SLC60A2: variants seen among roughly 807,000 people sequenced by gnomAD.
SLC60A2 encodes the protein solute carrier family 60 member 2, also known as major facilitator superfamily domain containing 4B.
At chr6:111,274,424 A>C in the SLC60A2 span, among the ~76,000 whole-genome samples, 1 of 152,116 alleles carries the variant, frequency 6.6e-6, no homozygotes, top group Non-Finnish European at 1.5e-5. Flanking sequence ...GGCAGCATAC[A>C]GTTGGGTAAT....
chr6:111,278,848 C>G, the SLC60A2 span: 1 of 152,196 alleles, frequency 6.6e-6, no homozygotes, highest in East Asian at 1.9e-4. Context: ...CATTTTGCTT[C>G]TACACCCTCC....
the SLC60A2 span, chr6:111,268,811 T>A: frequency 1.3e-5 from 2 of 152,174 alleles, no homozygotes. Context: ...CTTTCCTGAG[T>A]CTGAAATACC....
the SLC60A2 span, among the ~76,000 whole-genome samples, chr6:111,272,509 ATTTTT>A: frequency 8.7e-6 from 1 of 114,700 alleles, no homozygotes. Flanking sequence ...TTCTAACTGT[ATTTTT>A]TTTTTTTTTT....
chr6:111,272,954 C>T, the SLC60A2 span, among the ~76,000 whole-genome samples: 3 of 151,796 alleles, frequency 2.0e-5, no homozygotes, highest in African/African-American at 7.3e-5. Flanking sequence ...CCTCAGCCTC[C>T]CAAGTAGCTG....
At chr6:111,259,648 TCTC>T in the SLC60A2 span, 1 of 1,555,964 alleles carries the variant, frequency 6.4e-7, no homozygotes, top group South Asian at 1.2e-5. Flanking sequence ...GTGGTGGTGG[TCTC>T]CTGGCAGAGC....
the SLC60A2 span, among the ~76,000 whole-genome samples, chr6:111,274,392 CGG>C: frequency 2.6e-5 from 4 of 152,084 alleles, no homozygotes; most frequent in African/African-American, 9.7e-5. Flanking sequence ...TGTGTGTTTA[CGG>C]GTGAAGTGAG....
At chr6:111,275,127 C>T in the SLC60A2 span, among the ~76,000 whole-genome samples, 3 of 151,726 alleles carry the variant, frequency 2.0e-5, no homozygotes, top group African/African-American at 7.3e-5. Context: ...TTTCGTTGCC[C>T]AGGCTAGTCT....
chr6:111,270,665 C>A, the SLC60A2 span: 1 of 152,160 alleles, frequency 6.6e-6, no homozygotes, highest in Admixed American at 6.6e-5. Flanking sequence ...CACGGTGAAA[C>A]CCCATCTCTA....
the SLC60A2 span, chr6:111,265,957 G>A: frequency 2.5e-6 from 4 of 1,614,082 alleles, no homozygotes; most frequent in Non-Finnish European, 3.4e-6. Context: ...TTTGCCTTGG[G>A]TGCCTTTTTG....
chr6:111,262,113 AAAAAC>A, the SLC60A2 span: 10 of 554,248 alleles, frequency 1.8e-5, no homozygotes, highest in African/African-American at 1.9e-4. Context: ...TCAAAACTAA[AAAAAC>A]AGTAGTCTAA....
At chr6:111,259,468 T>C in the SLC60A2 span, 1 of 460,944 alleles carries the variant, frequency 2.2e-6, no homozygotes, top group Admixed American at 4.2e-5. Flanking sequence ...GGGCCAGTGC[T>C]CTTCTCGGAG....
the SLC60A2 span, chr6:111,266,006 G>C: frequency 6.2e-7 from 1 of 1,614,142 alleles, no homozygotes. Context: ...GTCCGACAGC[G>C]TCTGCTGAAA....
the SLC60A2 span, chr6:111,259,531 C>T: frequency 0.15 from 84,114 of 570,530 alleles, 7,542 homozygotes; most frequent in East Asian, 0.39. Context: ...TTCTCCGGAG[C>T]CGCCGAGCTG....
the SLC60A2 span, chr6:111,262,285 C>A: frequency 6.2e-7 from 1 of 1,613,940 alleles, no homozygotes; most frequent in South Asian, 1.1e-5. Flanking sequence ...GTGGGACCCA[C>A]GTTTCAAGAT....
chr6:111,269,382 TAG>T, the SLC60A2 span: 1 of 152,168 alleles, frequency 6.6e-6, no homozygotes, highest in African/African-American at 2.4e-5. Flanking sequence ...GTGTTTTTAG[TAG>T]AGAGGGGGTT....
chr6:111,263,940 G>T, the SLC60A2 span: 3 of 1,544,462 alleles, frequency 1.9e-6, no homozygotes, highest in Non-Finnish European at 1.8e-6. Context: ...TGGCATTCTG[G>T]ATACAGGTTA....
At chr6:111,272,446 G>T in the SLC60A2 span, among the ~76,000 whole-genome samples, 2 of 151,746 alleles carry the variant, frequency 1.3e-5, no homozygotes, top group Non-Finnish European at 2.9e-5. Flanking sequence ...TTATATACTG[G>T]ATTATTGAAC....
At chr6:111,267,208 C>T in the SLC60A2 span, 1 of 1,321,532 alleles carries the variant, frequency 7.6e-7, no homozygotes, top group African/African-American at 1.5e-5. Flanking sequence ...TTTCACCATG[C>T]TTTGGGGATT....
chr6:111,277,322 C>T, the SLC60A2 span, among the ~76,000 whole-genome samples: 2 of 152,032 alleles, frequency 1.3e-5, no homozygotes, highest in Non-Finnish European at 2.9e-5. Context: ...GCGTGTTAGA[C>T]AAGGTTTGTG....
Sources: allele counts gnomAD v4.1 joint callset (sites outside exome capture counted in the v4.1 genomes callset), GRCh38; gene constraint gnomAD v4.1.1; transcripts MANE v1.5; gene names NCBI Gene and HGNC (gene_info 2026-07-23, HGNC 2026-07-21).